COA1: variants seen among roughly 807,000 people sequenced by gnomAD.
COA1 encodes the protein cytochrome c oxidase assembly factor 1 homolog.
Under a neutral mutation model 16.0 loss-of-function variants are expected in COA1, and 13 were observed. The observed-to-expected ratio is 0.81, with a 90% CI of 0.53 to 1.29. The LOEUF (loss-of-function observed/expected upper bound fraction) is 1.29, where lower values mean the gene tolerates loss of function less well. Among genes scored for constraint, COA1 ranks in the 50% most tolerant of loss-of-function variants. The pLI, the probability that COA1 is intolerant of heterozygous loss-of-function variation, is 0.00. For synonymous variants in COA1, 65 were observed against 65.7 expected (o/e 0.99, Z 0.05); for missense variants, 179 against 177.0 (o/e 1.01, Z -0.06).
intron 6 of COA1, among the ~76,000 whole-genome samples, chr7:43,614,744 C>T (rs1027433633): frequency 6.6e-6 from 1 of 152,152 alleles, no homozygotes; most frequent in African/African-American, 2.4e-5. Context: ...TAGAAAGTCT[C>T]TCACATTGGT....
At chr7:43,659,735 C>G (rs1304923416) in intron 1 of COA1, among the ~76,000 whole-genome samples, 1 of 152,176 alleles carries the variant, frequency 6.6e-6, no homozygotes, top group Non-Finnish European at 1.5e-5. Flanking sequence ...TTCTATTTCT[C>G]TGGAGAGTCC....
At chr7:43,698,859 C>G (rs2094610463) in intron 1 of COA1, among the ~76,000 whole-genome samples, 1 of 152,050 alleles carries the variant, frequency 6.6e-6, no homozygotes, top group African/African-American at 2.4e-5. Flanking sequence ...CCATCAAGCA[C>G]ACATTTTTCC....
At chr7:43,700,590 A>ATGTG (rs1563415584) in intron 1 of COA1, among the ~76,000 whole-genome samples, 6 of 44,512 alleles carry the variant, frequency 1.3e-4, no homozygotes, top group African/African-American at 6.2e-4. Context: ...GTGTATATAT[A>ATGTG]CGTGTGTGTG....
chr7:43,667,362 A>ACTTGCCATAAC (rs1191068357), intron 1 of COA1, among the ~76,000 whole-genome samples: 1 of 152,204 alleles, frequency 6.6e-6, no homozygotes. Context: ...GTCACATGAG[A>ACTTGCCATAAC]TTGCCAAAAT....
At chr7:43,718,260 A>G (rs2095435017) in intron 1 of COA1, among the ~76,000 whole-genome samples, 1 of 152,218 alleles carries the variant, frequency 6.6e-6, no homozygotes, top group Non-Finnish European at 1.5e-5. Flanking sequence ...ACATTTATTT[A>G]TAAGATGGCA....
chr7:43,672,822 T>C (rs1004242343), intron 1 of COA1, among the ~76,000 whole-genome samples: 3 of 145,772 alleles, frequency 2.1e-5, no homozygotes, highest in Non-Finnish European at 4.5e-5. Flanking sequence ...AACAGACACA[T>C]ATACCAATGG....
chr7:43,682,584 T>C (rs2093817089), intron 1 of COA1, among the ~76,000 whole-genome samples: 1 of 152,214 alleles, frequency 6.6e-6, no homozygotes, highest in Admixed American at 6.5e-5. Flanking sequence ...TAAATGTCTA[T>C]AATGATTTTA....
chr7:43,618,424 G>C (rs1203197959), intron 6 of COA1, among the ~76,000 whole-genome samples: 2 of 152,170 alleles, frequency 1.3e-5, no homozygotes, highest in Non-Finnish European at 2.9e-5. Context: ...CAGACTGTTT[G>C]ATTTGGAGCA....
intron 4 of COA1, chr7:43,640,970 C>T (rs754830221): frequency 4.4e-6 from 1 of 227,408 alleles, no homozygotes; most frequent in Non-Finnish European, 8.4e-6. Context: ...GGAGCAACAT[C>T]GATGAATATC....
At chr7:43,725,552 A>C (rs970263746) in intron 1 of COA1, among the ~76,000 whole-genome samples, 2 of 152,188 alleles carry the variant, frequency 1.3e-5, no homozygotes, top group Non-Finnish European at 2.9e-5. Flanking sequence ...CAAAATGCTC[A>C]GTTTCTAAAA....
At chr7:43,641,783 C>T (rs10231274) in intron 4 of COA1, 22,345 of 151,944 alleles carry the variant, frequency 0.15, 2,188 homozygotes, top group Non-Finnish European at 0.21. Flanking sequence ...CCTGAGAGCC[C>T]GTAAGCAGTT....
chr7:43,654,368 A>G (rs1473390323), intron 1 of COA1, among the ~76,000 whole-genome samples: 1 of 152,230 alleles, frequency 6.6e-6, no homozygotes, highest in Non-Finnish European at 1.5e-5. Flanking sequence ...CTAAGAAATA[A>G]AAGAATATGG....
intron 6 of COA1, among the ~76,000 whole-genome samples, chr7:43,616,212 G>A (rs907915827): frequency 1.5e-4 from 23 of 152,096 alleles, no homozygotes; most frequent in South Asian, 2.1e-4. Flanking sequence ...TATATTTATC[G>A]CCTGAGCACT....
In COA1 at chr7:43,640,650, C is replaced by T; in HGVS notation, c.265-1G>A. 6.3e-7 allele frequency: 1 copy of T among 1,594,952 alleles called. No homozygotes were observed. The highest frequency in any genetic ancestry group is 8.5e-7 in the Non-Finnish European group (1 of 1,170,618). On this transcript the variant is annotated splice_acceptor_variant, in intron 4 of 5. Transcript: ENST00000223336. LOFTEE classifies it high-confidence loss of function. Reference sequence around the variant, plus strand: ...TGGATCCAGAGACAGGAATCTTCAACTGTGGGTGTAAAATGACAGAAAGGA... The same window carrying T: ...TGGATCCAGAGACAGGAATCTTCAATTGTGGGTGTAAAATGACAGAAAGGA...
At chr7:43,615,640 G>T (rs1049030242) in intron 6 of COA1, among the ~76,000 whole-genome samples, 18 of 152,074 alleles carry the variant, frequency 1.2e-4, no homozygotes, top group African/African-American at 4.3e-4. Flanking sequence ...ATTTACTCCA[G>T]AATAGCCTAC....
chr7:43,639,777 A>G, intron 5 of COA1, 96 bp from the exon 6 acceptor site: 1 of 861,782 alleles, frequency 1.2e-6, no homozygotes, highest in South Asian at 1.5e-5. Flanking sequence ...TGTTTTGAAT[A>G]ATGCCTTAAA....
intron 1 of COA1, among the ~76,000 whole-genome samples, chr7:43,717,018 T>C (rs1355026424): frequency 1.3e-5 from 2 of 152,022 alleles, no homozygotes; most frequent in African/African-American, 4.8e-5. Flanking sequence ...TTTCAGAAGA[T>C]GTATGGAAAT....
At chr7:43,700,592 G>GTGTC (rs1491497059) in intron 1 of COA1, among the ~76,000 whole-genome samples, 2 of 4,358 alleles carry the variant, frequency 4.6e-4, no homozygotes, top group Non-Finnish European at 7.3e-4. Flanking sequence ...GTATATATAC[G>GTGTC]TGTGTGTGTG....
chr7:43,706,720 A>C (rs957007134), intron 1 of COA1, among the ~76,000 whole-genome samples: 2 of 151,732 alleles, frequency 1.3e-5, no homozygotes, highest in Admixed American at 1.3e-4. Flanking sequence ...AAATAGAAAA[A>C]TTAGCTGGGC....
Sources: gnomAD v4.1 joint callset for allele counts (sites outside exome capture counted in the v4.1 genomes callset) on GRCh38, gnomAD v4.1.1 for gene constraint, MANE v1.5 for transcripts, NCBI Gene and HGNC (gene_info 2026-07-23, HGNC 2026-07-21) for gene names.